STK39: variants seen among roughly 807,000 people sequenced by gnomAD.
STK39 encodes the protein STE20/SPS1-related proline-alanine-rich protein kinase.
In STK39, 20 loss-of-function variants were observed where a neutral mutation model predicts 77.8. The ratio of observed to expected loss-of-function variants is 0.26; its 90% CI spans 0.18 to 0.37. The LOEUF (loss-of-function observed/expected upper bound fraction) is 0.37. STK39 is among the 10% of genes least tolerant of loss of function. STK39 has a pLI of 1.00. For synonymous variants in STK39, 246 were observed against 234.1 expected (o/e 1.05, Z -0.47); for missense variants, 479 against 656.5 (o/e 0.73, Z 2.95).
chr2:167,995,392 G>A (rs557818831), intron 16 of STK39, among the ~76,000 whole-genome samples: 4 of 152,254 alleles, frequency 2.6e-5, no homozygotes, highest in African/African-American at 9.6e-5. Flanking sequence ...ACAGGCGTGA[G>A]CCCCCGCGCC....
At chr2:168,113,303 T>C (rs115112374) in intron 10 of STK39, among the ~76,000 whole-genome samples, 1 of 152,324 alleles carries the variant, frequency 6.6e-6, no homozygotes, top group South Asian at 2.1e-4. Context: ...GAGACAGATA[T>C]GCCCACTTTA....
rs182614058 is a variant in STK39 at position 168,155,272 on chromosome 2, T to C, written c.628+6515A>G. Among the ~76,000 whole-genome samples, 434 of 152,312 alleles carry C rather than the reference T, an allele frequency of 2.8e-3. 2 individuals are homozygous for C. Among genetic ancestry groups the C allele is most frequent in the African/African-American group, 9.0e-3 (375 of 41,556 alleles). ...CAGCTGTTAAAGCATGAGAAGCTGCTTACAATCTCCCCAAGTATTTCTCAC... is the reference window on the plus strand; with the variant it reads ...CAGCTGTTAAAGCATGAGAAGCTGCCTACAATCTCCCCAAGTATTTCTCAC... On this transcript the variant is annotated intron_variant, in intron 5 of 17. Transcript: ENST00000355999.
chr2:168,063,743 G>A (rs953751118), intron 13 of STK39, among the ~76,000 whole-genome samples, 173 bp from the exon 14 acceptor site: 2 of 152,188 alleles, frequency 1.3e-5, no homozygotes, highest in African/African-American at 2.4e-5. Flanking sequence ...GGTTGTAATG[G>A]TGCCTAATTC....
chr2:168,010,321 A>G (rs1684239812), intron 16 of STK39, among the ~76,000 whole-genome samples: 1 of 152,248 alleles, frequency 6.6e-6, no homozygotes, highest in African/African-American at 2.4e-5. Context: ...ACTAAGACAC[A>G]AAAGTGTATA....
chr2:168,059,655 A>G lies in STK39; in HGVS notation c.1376+3845T>C, dbSNP rs192823545. 1.6e-4 allele frequency among the ~76,000 whole-genome samples: 24 copies of G among 152,316 alleles called. 1 individual carries two copies. The East Asian group carries it at 3.7e-3, about 23-fold the overall frequency. ...TTTCAGCCTGCGAGACACTGAGCAG[A>G]CTATCCCACTCAACTGTACCCGGAC... On this transcript the variant is annotated intron_variant, in intron 14 of 17. Transcript: ENST00000355999.
intron 1 of STK39, among the ~76,000 whole-genome samples, chr2:168,200,546 A>C (rs1201974496): frequency 6.6e-6 from 1 of 151,974 alleles, no homozygotes; most frequent in Non-Finnish European, 1.5e-5. Flanking sequence ...GTGTGGTGGC[A>C]TGCGCCTGTA....
intron 1 of STK39, among the ~76,000 whole-genome samples, chr2:168,217,171 T>C (rs554095003): frequency 1.4e-4 from 21 of 152,332 alleles, no homozygotes; most frequent in Non-Finnish European, 2.2e-4. Flanking sequence ...TCCCATGTTA[T>C]TGAAGAACAT....
Position 168,143,712 on chromosome 2 carries a change from CA to C in STK39, c.629-2955del, listed in dbSNP as rs3063798. Reference sequence around the variant, plus strand: ...CTGGCAAGAGAGCAAGACTTTGTCTCAAAAAAAAAAAAAAGTCTTTCAAGGC... The same window carrying C: ...CTGGCAAGAGAGCAAGACTTTGTCTCAAAAAAAAAAAAAGTCTTTCAAGGC... On this transcript the variant is annotated intron_variant, in intron 5 of 17. Transcript: ENST00000355999. Among the ~76,000 whole-genome samples the C allele has an allele frequency of 9.7e-3, 1,352 of 139,216 alleles. 17 individuals are homozygous for C. The highest frequency in any genetic ancestry group is 0.026 in the African/African-American group (995 of 38,856). 91.3% of individuals were successfully genotyped at this position (139,216 alleles called of 152,430 possible). A position where few individuals can be genotyped will look rare whatever the true frequency, so the allele number is the denominator to read the frequency against.
chr2:168,116,753 T>C (rs1197475379), intron 10 of STK39, among the ~76,000 whole-genome samples: 5 of 152,210 alleles, frequency 3.3e-5, no homozygotes, highest in African/African-American at 1.2e-4. Context: ...CCTTTCCCCG[T>C]GATGCATAAA....
At chr2:167,971,327 G>A (rs1260430986) in intron 16 of STK39, among the ~76,000 whole-genome samples, 2 of 152,172 alleles carry the variant, frequency 1.3e-5, no homozygotes, top group African/African-American at 4.8e-5. Context: ...CCAGTTAGAG[G>A]CCTCTTACAT....
At chr2:167,960,189 C>T (rs1261649120) in intron 17 of STK39, among the ~76,000 whole-genome samples, 1 of 152,168 alleles carries the variant, frequency 6.6e-6, no homozygotes, top group Admixed American at 6.5e-5. Context: ...ATTCTGATCA[C>T]CAGAGATGGG....
chr2:168,110,080 C>T (rs898142981), intron 10 of STK39, among the ~76,000 whole-genome samples: 1 of 152,088 alleles, frequency 6.6e-6, no homozygotes, highest in African/African-American at 2.4e-5. Flanking sequence ...TATAGATAGA[C>T]CCTTTGACTC....
intron 2 of STK39, among the ~76,000 whole-genome samples, chr2:168,176,444 G>A (rs1399180442): frequency 6.6e-6 from 1 of 152,092 alleles, no homozygotes; most frequent in Non-Finnish European, 1.5e-5. Context: ...CTTCTCAAAT[G>A]ATCATCAAGC....
intron 14 of STK39, among the ~76,000 whole-genome samples, chr2:168,037,805 G>T (rs1574411794): frequency 1.3e-5 from 2 of 151,948 alleles, no homozygotes; most frequent in Admixed American, 1.3e-4. Context: ...TGGTCCGATG[G>T]GTAATCATTT....
At chr2:168,095,617 C>T (rs1287781912) in intron 10 of STK39, among the ~76,000 whole-genome samples, 2 of 113,992 alleles carry the variant, frequency 1.8e-5, no homozygotes, top group African/African-American at 6.4e-5. Flanking sequence ...ACTCGTGTAT[C>T]TCTTTCTTTT....
chr2:167,958,271 T>C (rs1691841485), intron 17 of STK39, among the ~76,000 whole-genome samples: 1 of 152,204 alleles, frequency 6.6e-6, no homozygotes, highest in East Asian at 1.9e-4. Flanking sequence ...GTATTTTAAA[T>C]ATATTATTTG....
intron 14 of STK39, among the ~76,000 whole-genome samples, chr2:168,060,200 C>T (rs1027747392): frequency 2.0e-5 from 3 of 151,788 alleles, no homozygotes; most frequent in African/African-American, 7.3e-5. Context: ...AAGTAATAGT[C>T]TAAATAACTA....
chr2:168,056,441 G>C (rs1685528844), intron 14 of STK39, among the ~76,000 whole-genome samples: 1 of 152,126 alleles, frequency 6.6e-6, no homozygotes, highest in African/African-American at 2.4e-5. Flanking sequence ...TTTCCAAGAG[G>C]TGGAGAGGGC....
intron 14 of STK39, among the ~76,000 whole-genome samples, chr2:168,032,787 G>A (rs1177265747): frequency 1.3e-5 from 2 of 152,212 alleles, no homozygotes; most frequent in African/African-American, 4.8e-5. Context: ...AAGCTCTGAA[G>A]GAAAAGATAA....
Sources: gnomAD v4.1 joint callset for allele counts (sites outside exome capture counted in the v4.1 genomes callset) on GRCh38, gnomAD v4.1.1 for gene constraint, MANE v1.5 for transcripts, NCBI Gene and HGNC (gene_info 2026-07-23, HGNC 2026-07-21) for gene names.